NARS2: variants seen among roughly 807,000 people sequenced by gnomAD.
NARS2 encodes the protein asparaginyl-tRNA synthetase 2, mitochondrial.
In NARS2, 60 loss-of-function variants were observed where a neutral mutation model predicts 62.9. The observed-to-expected ratio is 0.95, with a 90% CI of 0.77 to 1.18. The LOEUF is 1.18. Ranked by LOEUF, NARS2 falls within the 50% of genes most tolerant of loss-of-function variation. The pLI is 0.00. For missense variants in NARS2, 619 were observed against 576.4 expected, an observed-to-expected ratio of 1.07 and a Z score of -0.76; for synonymous variants, 196 against 200.0, an observed-to-expected ratio of 0.98 and a Z score of 0.17.
Position 78,493,979 on chromosome 11 carries a change from G to A in NARS2, c.690-784C>T, listed in dbSNP as rs184864935. 3.5e-4 allele frequency among the ~76,000 whole-genome samples: 54 copies of A among 152,280 alleles called. No individual in the cohort carries two copies. The East Asian group carries it at 8.5e-3, about 24-fold the overall frequency. ...TTTTTTAAACACAAGAAAAAAGAAC[G>A]TCAGATACATATTGCAGTTCACCTT... On this transcript the variant is annotated intron_variant, in intron 6 of 13. Transcript: ENST00000281038.
chr11:78,453,411 T>A (rs1016403718), intron 11 of NARS2, among the ~76,000 whole-genome samples: 3 of 152,102 alleles, frequency 2.0e-5, no homozygotes, highest in Non-Finnish European at 2.9e-5. Flanking sequence ...TTCTGACTCT[T>A]TGATTCCAAT....
At position 78,466,056 on chromosome 11, in the gene NARS2, T is replaced by C. The variant is rs764289405; in HGVS notation, c.1027-43A>G. ...AAATGACCAAAAGAGGAGACAGAGGTGAAATATACAATTAAGCAGCTGAAA... is the reference window on the plus strand; with the variant it reads ...AAATGACCAAAAGAGGAGACAGAGGCGAAATATACAATTAAGCAGCTGAAA... On this transcript the variant is annotated intron_variant, in intron 10 of 13. Coordinates refer to ENST00000281038, the MANE Select transcript of NARS2 (RefSeq NM_024678.6). The C allele has an allele frequency of 2.6e-6, 4 of 1,541,474 alleles. No individual in the cohort carries two copies. In the East Asian group the frequency reaches 9.1e-5, roughly 35 times the overall value.
intron 5 of NARS2, among the ~76,000 whole-genome samples, chr11:78,530,421 T>C (rs1172766482): frequency 1.3e-5 from 2 of 152,178 alleles, no homozygotes; most frequent in Non-Finnish European, 2.9e-5. Flanking sequence ...CTTCAGATGG[T>C]TTCTCTCATT....
intron 6 of NARS2, among the ~76,000 whole-genome samples, chr11:78,516,758 T>C (rs1860927085): frequency 6.6e-6 from 1 of 152,230 alleles, no homozygotes; most frequent in Non-Finnish European, 1.5e-5. Context: ...AATTTCAATA[T>C]TTTCTGATAA....
chr11:78,456,041 C>T (rs1858151075), intron 11 of NARS2, among the ~76,000 whole-genome samples: 1 of 152,078 alleles, frequency 6.6e-6, no homozygotes, highest in African/African-American at 2.4e-5. Flanking sequence ...AATCTCTAAT[C>T]TTACAAAGTT....
intron 6 of NARS2, among the ~76,000 whole-genome samples, chr11:78,498,318 C>T (rs1378926196): frequency 6.6e-6 from 1 of 152,142 alleles, no homozygotes; most frequent in African/African-American, 2.4e-5. Context: ...TAGTACTGTC[C>T]TCGTTTTCCT....
At chr11:78,566,101 A>C (rs999865318) in intron 4 of NARS2, 31 bp downstream of exon 4, 1 of 1,556,112 alleles carries the variant, frequency 6.4e-7, no homozygotes, top group Middle Eastern at 1.7e-4. Flanking sequence ...AAACTGTTTA[A>C]AGGGTCAAGA....
chr11:78,542,773 C>A (rs1855673795), intron 5 of NARS2, among the ~76,000 whole-genome samples: 2 of 152,116 alleles, frequency 1.3e-5, no homozygotes, highest in Admixed American at 1.3e-4. Flanking sequence ...GTGGTGCGCA[C>A]CTGTAGTTTT....
At chr11:78,554,210 T>C (rs1465995260) in intron 5 of NARS2, among the ~76,000 whole-genome samples, 1 of 152,188 alleles carries the variant, frequency 6.6e-6, no homozygotes, top group East Asian at 1.9e-4. Flanking sequence ...GCCTTGGCTA[T>C]CTGGGCTCTT....
intron 6 of NARS2, among the ~76,000 whole-genome samples, chr11:78,521,738 C>T (rs1420867504): frequency 6.0e-5 from 8 of 133,842 alleles, no homozygotes; most frequent in African/African-American, 1.5e-4. Flanking sequence ...TGCAGTGAGC[C>T]GAGATCCCGC....
In NARS2 at chr11:78,571,455, G is replaced by T. The variant is rs377460586; in HGVS notation, c.142-11C>A. On this transcript the variant is annotated splice_polypyrimidine_tract_variant and intron_variant, in intron 1 of 13. Coordinates refer to ENST00000281038, the MANE Select transcript of NARS2 (RefSeq NM_024678.6). The stretch of plus-strand genomic sequence containing the variant: ...AGAACGAATCCATCCCTAAGGAAGA[G>T]AAATATTTCCAATGTGAGCGTAAAA... 27 of 1,581,264 alleles carry T rather than the reference G, an allele frequency of 1.7e-5. No homozygotes were observed. The highest frequency in any genetic ancestry group is 1.2e-4 in the African/African-American group (9 of 73,888).
chr11:78,490,623 C>T lies in NARS2; in HGVS notation c.822+2440G>A, dbSNP rs180867091. ...CTTGAGCTCAGGAGTTGAAGACCAA[C>T]CTGGGCAACCCCGTTTCTACCAAAA... On this transcript the variant is annotated intron_variant, in intron 7 of 13. Coordinates refer to ENST00000281038, the MANE Select transcript of NARS2 (RefSeq NM_024678.6). 5.2e-3 allele frequency among the ~76,000 whole-genome samples: 786 copies of T among 152,080 alleles called. 7 individuals are homozygous for T. Among genetic ancestry groups the T allele is most frequent in the Non-Finnish European group, 4.8e-3 (328 of 67,998 alleles).
At chr11:78,566,930 G>T (rs1590874936) in intron 3 of NARS2, among the ~76,000 whole-genome samples, 2 of 149,164 alleles carry the variant, frequency 1.3e-5, no homozygotes, top group East Asian at 3.9e-4. Flanking sequence ...AGCTAAAAAA[G>T]AGCTACACTG....
chr11:78,442,395 A>G (rs546259138), intron 12 of NARS2, among the ~76,000 whole-genome samples: 2 of 152,310 alleles, frequency 1.3e-5, no homozygotes, highest in East Asian at 3.9e-4. Flanking sequence ...ATCCTAACCC[A>G]GTAGAGCAGT....
chr11:78,521,338 TTTTG>T (rs1238553156), intron 6 of NARS2, among the ~76,000 whole-genome samples: 36 of 152,042 alleles, frequency 2.4e-4, no homozygotes, highest in Non-Finnish European at 4.4e-5. Flanking sequence ...TTTTTGGTTT[TTTTG>T]TTTGTTTGTT....
chr11:78,570,530 G>T (rs931666749), intron 2 of NARS2, among the ~76,000 whole-genome samples: 6 of 152,118 alleles, frequency 3.9e-5, no homozygotes, highest in Admixed American at 1.3e-4. Flanking sequence ...GGAGATTATT[G>T]GTGCACATCA....
intron 6 of NARS2, among the ~76,000 whole-genome samples, chr11:78,525,193 T>C (rs1478960891): frequency 6.6e-6 from 1 of 152,144 alleles, no homozygotes; most frequent in Non-Finnish European, 1.5e-5. Context: ...AAAACTATTC[T>C]GTATGTTACT....
At chr11:78,441,023 T>G in intron 13 of NARS2, 68 bp downstream of exon 13, 1 of 1,454,718 alleles carries the variant, frequency 6.9e-7, no homozygotes, top group Non-Finnish European at 9.6e-7. Context: ...GGGATACAAG[T>G]AAAAACGCTT....
chr11:78,485,177 T>C (rs1440145256), intron 7 of NARS2, among the ~76,000 whole-genome samples: 1 of 151,218 alleles, frequency 6.6e-6, no homozygotes, highest in Admixed American at 6.6e-5. Context: ...CAAGTGGGAG[T>C]TGAACAATGA....
Sources: allele counts gnomAD v4.1 joint callset (sites outside exome capture counted in the v4.1 genomes callset), GRCh38; gene constraint gnomAD v4.1.1; transcripts MANE v1.5; gene names NCBI Gene and HGNC (gene_info 2026-07-23, HGNC 2026-07-21).